The following CAAP1 variants were observed in gnomAD, a reference collection of about 807,000 sequenced individuals.
The protein encoded by CAAP1 is caspase activity and apoptosis inhibitor 1, also known as conserved anti-apoptotic protein.
In CAAP1, 20 loss-of-function variants were observed where a neutral mutation model predicts 34.0. The ratio of observed to expected loss-of-function variants is 0.59; its 90% CI spans 0.41 to 0.86. The LOEUF (loss-of-function observed/expected upper bound fraction) is 0.86, where lower values mean the gene tolerates loss of function less well. Ranked by LOEUF, CAAP1 falls within the 40% of genes least tolerant of loss-of-function variation. The probability of loss-of-function intolerance (pLI) is 0.00; values close to 1 mark genes in which losing one functional copy is unlikely to be tolerated. For synonymous variants in CAAP1, 213 were observed against 166.7 expected (o/e 1.28, Z -2.14); for missense variants, 538 against 450.5 (o/e 1.19, Z -1.76).
At position 26,892,162 on chromosome 9, in the gene CAAP1, G is replaced by T. The variant is rs1017529174; in HGVS notation, c.303+251C>A. On this transcript the variant is annotated intron_variant, in intron 1 of 5. Transcript: ENST00000333916. ...GAGTGAAACCATAGGAGTGGAAGGA[G>T]CCAAGAGTTTAAAAAATAAATTAAA... 6.8e-6 allele frequency: 7 copies of T among 1,035,876 alleles called. No homozygotes were observed. In the East Asian group the frequency reaches 1.4e-4, roughly 21 times the overall value. The allele number at this position is 1,035,876 out of a possible 1,614,324, so 64.2% of individuals were successfully genotyped here. A position where few individuals can be genotyped will look rare whatever the true frequency, so the allele number is the denominator to read the frequency against.
At chr9:26,845,050 T>C (rs913408687) in intron 5 of CAAP1, among the ~76,000 whole-genome samples, 1 of 152,240 alleles carries the variant, frequency 6.6e-6, no homozygotes, top group African/African-American at 2.4e-5. Flanking sequence ...TGGTACCTTA[T>C]CAGATCATAG....
At position 26,887,400 on chromosome 9, in the gene CAAP1, A is replaced by G. The variant is rs1823774174; in HGVS notation, c.417T>C (p.Tyr139=). Reference sequence around the variant, plus strand: ...GAAGCATTTCTTTTTTGTCTGATATATAGAAACTAACTGGTTTCAATGACA... The same window carrying G: ...GAAGCATTTCTTTTTTGTCTGATATGTAGAAACTAACTGGTTTCAATGACA... ...LTVSLKPVSF[Y]ISDKKEMLQQ... The change falls in exon 2 of 6, where the codon TAT becomes TAC. Residue 139 remains tyrosine (Y), a synonymous_variant. Coordinates refer to ENST00000333916, the MANE Select transcript of CAAP1 (RefSeq NM_024828.4). The G allele has an allele frequency of 1.2e-6, 2 of 1,613,200 alleles. No individual in the cohort carries two copies. The highest frequency in any genetic ancestry group is 1.7e-5 in the Admixed American group (1 of 59,974).
chr9:26,884,404 T>C (rs1337802587), intron 4 of CAAP1, among the ~76,000 whole-genome samples: 1 of 152,294 alleles, frequency 6.6e-6, no homozygotes, highest in East Asian at 1.9e-4. Flanking sequence ...AATGAGGCTA[T>C]TATTGCCTAA....
In CAAP1 at chr9:26,887,300, T is replaced by A; in HGVS notation, c.504+13A>T. On this transcript the variant is annotated intron_variant, in intron 2 of 5. Transcript: ENST00000333916. ...TTCTACATATGTATCTAGTCTGATG[T>A]GTAATGAAGTACCTTTAACACATCA... 1 of 1,518,040 alleles carries A rather than the reference T, an allele frequency of 6.6e-7. No individual in the cohort carries two copies. The highest frequency in any genetic ancestry group is 8.9e-7 in the Non-Finnish European group (1 of 1,119,414). The allele number at this position is 1,518,040 out of a possible 1,614,324, so 94.0% of individuals were successfully genotyped here. A position where few individuals can be genotyped will look rare whatever the true frequency, so the allele number is the denominator to read the frequency against.
At chr9:26,859,328 C>G (rs1270647770) in intron 5 of CAAP1, among the ~76,000 whole-genome samples, 3 of 152,168 alleles carry the variant, frequency 2.0e-5, no homozygotes, top group African/African-American at 7.2e-5. Context: ...CCTGTTGACA[C>G]TAGGAAGGGA....
intron 4 of CAAP1, among the ~76,000 whole-genome samples, chr9:26,863,890 C>T (rs1239375606): frequency 6.6e-6 from 1 of 151,704 alleles, no homozygotes; most frequent in East Asian, 1.9e-4. Flanking sequence ...TTCCTGTGCT[C>T]AAGTAATCTT....
At chr9:26,848,628 G>C (rs1395846524) in intron 5 of CAAP1, among the ~76,000 whole-genome samples, 1 of 152,166 alleles carries the variant, frequency 6.6e-6, no homozygotes, top group African/African-American at 2.4e-5. Flanking sequence ...ATCTAATTTA[G>C]AGAATCCCAC....
chr9:26,870,038 A>AATTTTTT, intron 4 of CAAP1: 1 of 570,866 alleles, frequency 1.8e-6, no homozygotes, highest in Non-Finnish European at 2.2e-6. Context: ...AGAAAGAATA[A>AATTTTTT]CTTTTTTTTT....
chr9:26,890,668 G>A (rs184741001), intron 1 of CAAP1, among the ~76,000 whole-genome samples: 2 of 151,998 alleles, frequency 1.3e-5, no homozygotes, highest in African/African-American at 2.4e-5. Context: ...AAAGTTGGCC[G>A]GGCACGGTGG....
chr9:26,850,267 ACTT>A (rs1459371167), intron 5 of CAAP1, among the ~76,000 whole-genome samples: 1 of 152,172 alleles, frequency 6.6e-6, no homozygotes, highest in Non-Finnish European at 1.5e-5. Flanking sequence ...AATTTACCTC[ACTT>A]CTTCCTGAAA....
intron 4 of CAAP1, chr9:26,880,378 A>T: frequency 3.7e-6 from 1 of 268,200 alleles, no homozygotes; most frequent in Non-Finnish European, 7.6e-6. Context: ...AGTTCAGTGG[A>T]CTTCCAGAAA....
intron 4 of CAAP1, among the ~76,000 whole-genome samples, chr9:26,864,460 C>G (rs1823081478): frequency 1.3e-5 from 2 of 151,960 alleles, no homozygotes; most frequent in South Asian, 4.1e-4. Flanking sequence ...CCTCAGACAG[C>G]AAAATTTAAT....
chr9:26,880,381 TC>T (rs1211168798), intron 4 of CAAP1: 1 of 269,366 alleles, frequency 3.7e-6, no homozygotes, highest in Non-Finnish European at 7.6e-6. Flanking sequence ...TCAGTGGACT[TC>T]CAGAAACAAC....
At chr9:26,858,442 C>T (rs146628996) in intron 5 of CAAP1, among the ~76,000 whole-genome samples, 1,796 of 152,242 alleles carry the variant, frequency 0.012, 18 homozygotes, top group South Asian at 0.023. Flanking sequence ...TTCTAAGTAA[C>T]TTATCCATTA....
At chr9:26,864,604 C>G (rs142231139) in intron 4 of CAAP1, among the ~76,000 whole-genome samples, 3 of 152,294 alleles carry the variant, frequency 2.0e-5, no homozygotes, top group East Asian at 3.9e-4. Flanking sequence ...AACTGTCCCC[C>G]ACCCTGCGAC....
chr9:26,888,112 G>T (rs1222913514), intron 1 of CAAP1, among the ~76,000 whole-genome samples: 2 of 152,018 alleles, frequency 1.3e-5, no homozygotes, highest in Non-Finnish European at 2.9e-5. Context: ...TTTTGCCTGG[G>T]TTACACCAAT....
intron 4 of CAAP1, among the ~76,000 whole-genome samples, chr9:26,869,371 A>C (rs1823217617): frequency 6.6e-6 from 1 of 152,182 alleles, no homozygotes. Flanking sequence ...ACACATCTTT[A>C]ATTCACCAAT....
At chr9:26,870,062 C>T (rs1466323375) in intron 4 of CAAP1, 13 of 330,564 alleles carry the variant, frequency 3.9e-5, no homozygotes, top group Non-Finnish European at 4.0e-5. Context: ...TTTTTTTTAA[C>T]GCAGATGCAG....
At chr9:26,862,542 T>C (rs1211427159) in intron 4 of CAAP1, among the ~76,000 whole-genome samples, 1 of 152,118 alleles carries the variant, frequency 6.6e-6, no homozygotes, top group Non-Finnish European at 1.5e-5. Flanking sequence ...TAACCTGTAT[T>C]ATGAAGAATC....
Sources: allele counts gnomAD v4.1 joint callset (sites outside exome capture counted in the v4.1 genomes callset), GRCh38; gene constraint gnomAD v4.1.1; transcripts MANE v1.5; gene names NCBI Gene and HGNC (gene_info 2026-07-23, HGNC 2026-07-21).